The following TRPC4AP variants were observed in gnomAD, a reference collection of about 807,000 sequenced individuals.
The protein encoded by TRPC4AP is transient receptor potential cation channel subfamily C member 4 associated protein, also known as short transient receptor potential channel 4-associated protein.
A neutral mutation model predicts 99.0 loss-of-function variants in TRPC4AP; 45 were observed. The ratio of observed to expected loss-of-function variants is 0.45; its 90% CI spans 0.36 to 0.58. The LOEUF is 0.58. Ranked by LOEUF, TRPC4AP falls within the 20% of genes least tolerant of loss-of-function variation. The probability of loss-of-function intolerance (pLI) is 0.00; values close to 1 mark genes in which losing one functional copy is unlikely to be tolerated. For synonymous variants in TRPC4AP, 408 were observed against 385.8 expected (o/e 1.06, Z -0.67); for missense variants, 879 against 985.3 (o/e 0.89, Z 1.44).
At chr20:35,071,667 T>C (rs978704282) in intron 2 of TRPC4AP, among the ~76,000 whole-genome samples, 19 of 152,168 alleles carry the variant, frequency 1.2e-4, no homozygotes, top group Non-Finnish European at 2.1e-4. Context: ...CACATTTTCT[T>C]AATCCAGCCT....
intron 14 of TRPC4AP, 43 bp from the exon 15 acceptor site, chr20:35,006,618 C>A (rs1324255295): frequency 1.9e-6 from 3 of 1,599,060 alleles, no homozygotes; most frequent in African/African-American, 1.3e-5. Context: ...CGTGGCTGCC[C>A]CCACCAGGGC....
intron 6 of TRPC4AP, 88 bp from the exon 7 acceptor site, chr20:35,044,800 G>A (rs2083522797): frequency 1.6e-6 from 2 of 1,237,462 alleles, no homozygotes; most frequent in Non-Finnish European, 1.2e-6. Flanking sequence ...TTACATACGG[G>A]GCTTAGTGGC....
chr20:35,077,409 T>C (rs908350726), intron 2 of TRPC4AP, among the ~76,000 whole-genome samples: 24 of 152,156 alleles, frequency 1.6e-4, no homozygotes, highest in African/African-American at 5.8e-4. Flanking sequence ...CCCACTTACA[T>C]GGGTTTTAAC....
At chr20:35,011,444 C>T (rs2082633437) in intron 11 of TRPC4AP, among the ~76,000 whole-genome samples, 1 of 152,096 alleles carries the variant, frequency 6.6e-6, no homozygotes, top group Admixed American at 6.6e-5. Flanking sequence ...TAGCTGGTCA[C>T]CATTTTTCTT....
intron 1 of TRPC4AP, among the ~76,000 whole-genome samples, chr20:35,091,477 A>G (rs7261539): frequency 0.045 from 6,910 of 152,230 alleles, 523 homozygotes; most frequent in African/African-American, 0.16. Flanking sequence ...TTACACTGTG[A>G]AAAGTCTCAC....
chr20:35,084,536 ATGTATATG>A (rs1176322059), intron 1 of TRPC4AP, among the ~76,000 whole-genome samples: 1 of 147,510 alleles, frequency 6.8e-6, no homozygotes, highest in South Asian at 2.1e-4. Flanking sequence ...ATATGTATAT[ATGTATATG>A]TATATATGTT....
intron 4 of TRPC4AP, among the ~76,000 whole-genome samples, chr20:35,056,955 C>T (rs367597577): frequency 1.7e-5 from 2 of 116,666 alleles, no homozygotes; most frequent in East Asian, 2.6e-4. Context: ...CACTGCACTC[C>T]AGCCTGGGCA....
At chr20:35,091,987 A>G (rs776972875) in intron 1 of TRPC4AP, among the ~76,000 whole-genome samples, 5 of 152,234 alleles carry the variant, frequency 3.3e-5, no homozygotes, top group Non-Finnish European at 7.3e-5. Context: ...GACGCTCTAC[A>G]CTAGCAAACC....
chr20:35,044,199 T>C (rs1387979285), intron 7 of TRPC4AP, among the ~76,000 whole-genome samples: 1 of 151,840 alleles, frequency 6.6e-6, no homozygotes, highest in Non-Finnish European at 1.5e-5. Context: ...AAGACCAGCC[T>C]GGGCAACATG....
chr20:35,063,371 A>G (rs1452005482), intron 3 of TRPC4AP, among the ~76,000 whole-genome samples: 1 of 152,172 alleles, frequency 6.6e-6, no homozygotes, highest in Non-Finnish European at 1.5e-5. Flanking sequence ...GACATTATGG[A>G]TATTTCACAA....
At chr20:35,009,435 A>G (rs2082584313) in intron 12 of TRPC4AP, among the ~76,000 whole-genome samples, 1 of 152,174 alleles carries the variant, frequency 6.6e-6, no homozygotes, top group Non-Finnish European at 1.5e-5. Context: ...TGAGGCCAGG[A>G]GTTCGAGACC....
intron 5 of TRPC4AP, 25 bp from the exon 6 acceptor site, chr20:35,050,019 T>C (rs143793854): frequency 1.9e-6 from 3 of 1,609,586 alleles, no homozygotes; most frequent in East Asian, 2.2e-5. Flanking sequence ...AAAGGCAGAA[T>C]AGGTTGTAAG....
intron 1 of TRPC4AP, among the ~76,000 whole-genome samples, chr20:35,080,530 C>T (rs796654363): frequency 2.4e-4 from 18 of 75,874 alleles, no homozygotes; most frequent in African/African-American, 6.1e-4. Flanking sequence ...AGCGAGACTC[C>T]ATCTAAAAAA....
chr20:35,065,142 T>A (rs1206043027), intron 3 of TRPC4AP, among the ~76,000 whole-genome samples: 1 of 152,198 alleles, frequency 6.6e-6, no homozygotes, highest in Non-Finnish European at 1.5e-5. Flanking sequence ...ATAGACTATG[T>A]CAGTGAATAA....
intron 11 of TRPC4AP, 103 bp from the exon 12 acceptor site, chr20:35,010,391 A>G: frequency 1.1e-6 from 1 of 916,576 alleles, no homozygotes; most frequent in Non-Finnish European, 1.7e-6. Context: ...TGTGGACAGA[A>G]TCTGAGAAGC....
intron 1 of TRPC4AP, among the ~76,000 whole-genome samples, chr20:35,084,268 CA>C (rs1267967667): frequency 1.3e-3 from 169 of 131,050 alleles, no homozygotes; most frequent in Non-Finnish European, 1.2e-3. Flanking sequence ...GACTCCGTCC[CA>C]AAAAAAAAAA....
intron 9 of TRPC4AP, among the ~76,000 whole-genome samples, chr20:35,020,448 C>G (rs375801164): frequency 1.3e-5 from 2 of 152,144 alleles, no homozygotes; most frequent in African/African-American, 2.4e-5. Context: ...CCCCAGGGCA[C>G]TGCCCCCTCC....
chr20:35,081,917 G>A (rs1224981191), intron 1 of TRPC4AP, among the ~76,000 whole-genome samples: 2 of 152,106 alleles, frequency 1.3e-5, no homozygotes, highest in Non-Finnish European at 2.9e-5. Context: ...CCCAGGAGGT[G>A]GAGGTTGCAG....
At chr20:35,070,184 T>A (rs1299258915) in intron 2 of TRPC4AP, among the ~76,000 whole-genome samples, 1 of 152,136 alleles carries the variant, frequency 6.6e-6, no homozygotes. Context: ...GAGGAGCCAC[T>A]CAGTCAACCA....
Sources: gnomAD v4.1 joint callset for allele counts (sites outside exome capture counted in the v4.1 genomes callset) on GRCh38, gnomAD v4.1.1 for gene constraint, MANE v1.5 for transcripts, NCBI Gene and HGNC (gene_info 2026-07-23, HGNC 2026-07-21) for gene names.